FBXL7: variants seen among roughly 807,000 people sequenced by gnomAD.
The protein encoded by FBXL7 is F-box/LRR-repeat protein 7.
In FBXL7, 12 loss-of-function variants were observed where a neutral mutation model predicts 38.3. That is an observed-to-expected ratio of 0.31 (90% confidence interval 0.20 to 0.51). FBXL7 has a LOEUF of 0.51. FBXL7 is among the 20% of genes least tolerant of loss of function. The probability of loss-of-function intolerance (pLI) is 0.98; values close to 1 mark genes in which losing one functional copy is unlikely to be tolerated. For synonymous variants in FBXL7, 297 were observed against 300.9 expected, an observed-to-expected ratio of 0.99 and a Z score of 0.13; for missense variants, 567 against 676.4, an observed-to-expected ratio of 0.84 and a Z score of 1.79.
In FBXL7 at chr5:15,893,296, T is replaced by C. The variant is rs192352968; in HGVS notation, c.128-34594T>C. Among the ~76,000 whole-genome samples the C allele has an allele frequency of 1.6e-4, 25 of 152,240 alleles. No homozygotes were observed. In the South Asian group the frequency reaches 4.6e-3, roughly 28 times the overall value. ...ACAGATACTGTTTATTCTATAACAA[T>C]TGGCAAACTCTTTCAATGCCTCTTT... is the stretch of plus-strand genomic sequence containing the variant. On this transcript the variant is annotated intron_variant, in intron 2 of 3. Coordinates refer to ENST00000504595, the MANE Select transcript of FBXL7 (RefSeq NM_012304.5).
intron 2 of FBXL7, among the ~76,000 whole-genome samples, chr5:15,883,665 AG>A (rs1226785704): frequency 2.0e-4 from 31 of 152,212 alleles, no homozygotes; most frequent in African/African-American, 7.2e-4. Flanking sequence ...TCAAATTGCC[AG>A]TTTTATTGAT....
intron 2 of FBXL7, among the ~76,000 whole-genome samples, chr5:15,619,405 G>A (rs1395896065): frequency 2.0e-5 from 3 of 152,158 alleles, no homozygotes; most frequent in Non-Finnish European, 4.4e-5. Flanking sequence ...ATGGGAAGCC[G>A]TCTCCTGCCC....
At chr5:15,689,108 C>T (rs562867700) in intron 2 of FBXL7, among the ~76,000 whole-genome samples, 35 of 152,290 alleles carry the variant, frequency 2.3e-4, no homozygotes, top group East Asian at 3.9e-4. Flanking sequence ...GGAACTCCAA[C>T]GGTGCACGTC....
At chr5:15,664,929 G>A (rs1209085143) in intron 2 of FBXL7, among the ~76,000 whole-genome samples, 6 of 150,318 alleles carry the variant, frequency 4.0e-5, no homozygotes, top group Non-Finnish European at 5.9e-5. Context: ...TTTGAAAGAT[G>A]TTTTCACAGG....
At chr5:15,866,627 G>A (rs749487145) in intron 2 of FBXL7, among the ~76,000 whole-genome samples, 6 of 151,800 alleles carry the variant, frequency 4.0e-5, no homozygotes, top group African/African-American at 1.2e-4. Context: ...GTGGTTTGCC[G>A]CACCTATTGA....
At chr5:15,833,601 A>T (rs1738514340) in intron 2 of FBXL7, among the ~76,000 whole-genome samples, 1 of 152,204 alleles carries the variant, frequency 6.6e-6, no homozygotes, top group African/African-American at 2.4e-5. Context: ...CTCTAAAGCA[A>T]TAGTCACACA....
chr5:15,793,299 G>A (rs1300392903), intron 2 of FBXL7, among the ~76,000 whole-genome samples: 3 of 152,216 alleles, frequency 2.0e-5, no homozygotes, highest in African/African-American at 7.2e-5. Flanking sequence ...CAGCAGGGCT[G>A]TACTCCCTTG....
At chr5:15,770,744 G>A (rs1736708444) in intron 2 of FBXL7, among the ~76,000 whole-genome samples, 1 of 152,172 alleles carries the variant, frequency 6.6e-6, no homozygotes, top group South Asian at 2.1e-4. Context: ...TTGGGAGGTT[G>A]AGGCTTAAGG....
At chr5:15,724,496 G>A (rs1258793209) in intron 2 of FBXL7, among the ~76,000 whole-genome samples, 1 of 151,930 alleles carries the variant, frequency 6.6e-6, no homozygotes, top group African/African-American at 2.4e-5. Flanking sequence ...CTCTATTTTG[G>A]TCAAACCCTC....
chr5:15,646,870 G>C (rs1580431739), intron 2 of FBXL7, among the ~76,000 whole-genome samples: 2 of 152,132 alleles, frequency 1.3e-5, no homozygotes, highest in African/African-American at 4.8e-5. Flanking sequence ...GGAGTGGCCT[G>C]GTTGATTCTA....
chr5:15,648,712 T>C (rs1311024464), intron 2 of FBXL7, among the ~76,000 whole-genome samples: 1 of 152,208 alleles, frequency 6.6e-6, no homozygotes, highest in East Asian at 1.9e-4. Context: ...TTAGCCACAG[T>C]AATTTTCCAT....
At chr5:15,643,043 A>G (rs994142616) in intron 2 of FBXL7, among the ~76,000 whole-genome samples, 6 of 152,052 alleles carry the variant, frequency 3.9e-5, no homozygotes, top group Admixed American at 1.3e-4. Flanking sequence ...TTTAACAGTT[A>G]TTTGTTTCAG....
chr5:15,554,577 C>G (rs1738177331), intron 1 of FBXL7, among the ~76,000 whole-genome samples: 1 of 152,170 alleles, frequency 6.6e-6, no homozygotes, highest in Non-Finnish European at 1.5e-5. Context: ...TTGGCTAACT[C>G]TAAACATTGT....
At chr5:15,668,293 G>A (rs1205750343) in intron 2 of FBXL7, among the ~76,000 whole-genome samples, 9 of 151,882 alleles carry the variant, frequency 5.9e-5, no homozygotes, top group East Asian at 3.9e-4. Flanking sequence ...CAGCTTCTAC[G>A]TTTTTCCTCA....
chr5:15,656,222 A>G (rs1741877713), intron 2 of FBXL7, among the ~76,000 whole-genome samples: 1 of 152,224 alleles, frequency 6.6e-6, no homozygotes, highest in African/African-American at 2.4e-5. Context: ...CTAGTTCAAA[A>G]TAAACTTTGT....
chr5:15,674,448 G>T (rs958697787), intron 2 of FBXL7, among the ~76,000 whole-genome samples: 1 of 152,174 alleles, frequency 6.6e-6, no homozygotes, highest in African/African-American at 2.4e-5. Context: ...TTGAGAAAAG[G>T]TCTGCAGAGA....
intron 2 of FBXL7, among the ~76,000 whole-genome samples, chr5:15,824,778 C>A (rs1378104398): frequency 6.6e-6 from 1 of 152,140 alleles, no homozygotes; most frequent in African/African-American, 2.4e-5. Context: ...TATTTGGAAT[C>A]GATCTAGCAG....
At chr5:15,816,316 A>G (rs561644983) in intron 2 of FBXL7, among the ~76,000 whole-genome samples, 1 of 152,266 alleles carries the variant, frequency 6.6e-6, no homozygotes, top group African/African-American at 2.4e-5. Flanking sequence ...AGCCATGGAA[A>G]AGAACAAAGT....
At chr5:15,808,016 G>A (rs558739737) in intron 2 of FBXL7, among the ~76,000 whole-genome samples, 4 of 152,208 alleles carry the variant, frequency 2.6e-5, no homozygotes, top group South Asian at 2.1e-4. Flanking sequence ...GTCTTCCCCC[G>A]TGACCGTAGA....
Sources: allele counts gnomAD v4.1 joint callset (sites outside exome capture counted in the v4.1 genomes callset), GRCh38; gene constraint gnomAD v4.1.1; transcripts MANE v1.5; gene names NCBI Gene and HGNC (gene_info 2026-07-23, HGNC 2026-07-21).